Variants in CDKL2 observed in about 807,000 individuals in gnomAD.
The protein encoded by CDKL2 is cyclin dependent kinase like 2.
Under a neutral mutation model 63.9 loss-of-function variants are expected in CDKL2, and 64 were observed. The observed-to-expected ratio is 1.00, with a 90% CI of 0.82 to 1.23. The LOEUF is 1.23. CDKL2 is among the 50% of genes most tolerant of loss of function. CDKL2 has a pLI of 0.00. For synonymous variants in CDKL2, 211 were observed against 229.2 expected (o/e 0.92, Z 0.72); for missense variants, 656 against 668.0 (o/e 0.98, Z 0.20).
intron 2 of CDKL2, among the ~76,000 whole-genome samples, chr4:75,623,152 G>A (rs545850124): frequency 3.8e-4 from 58 of 152,148 alleles, no homozygotes; most frequent in Middle Eastern, 3.4e-3. Context: ...GGTGGCACAC[G>A]CCTGTAGGCC....
At chr4:75,593,179 G>A (rs1270015156) in intron 10 of CDKL2, among the ~76,000 whole-genome samples, 1 of 151,920 alleles carries the variant, frequency 6.6e-6, no homozygotes, top group Admixed American at 6.6e-5. Flanking sequence ...TCTTTTCATA[G>A]AACAAGCGCT....
chr4:75,592,502 C>T (rs1728760424), intron 10 of CDKL2, among the ~76,000 whole-genome samples: 1 of 152,142 alleles, frequency 6.6e-6, no homozygotes, highest in Non-Finnish European at 1.5e-5. Flanking sequence ...CTATGAGTTT[C>T]TCCTTCTTCC....
chr4:75,597,994 AC>A, intron 8 of CDKL2, 82 bp downstream of exon 8: 1 of 940,248 alleles, frequency 1.1e-6, no homozygotes, highest in Non-Finnish European at 1.5e-6. Flanking sequence ...TGCTCAGAAA[AC>A]TTTTTTCAAA....
rs116470132 is a variant in CDKL2 at position 75,595,625 on chromosome 4, T to C, written c.1416+622A>G. Among the ~76,000 whole-genome samples, 857 of 152,106 alleles carry C rather than the reference T, an allele frequency of 5.6e-3. 1 individual carries two copies. Among genetic ancestry groups the C allele is most frequent in the Non-Finnish European group, 9.5e-3 (645 of 67,982 alleles). ...ATCATCAAGTTGAGAAAATTTACTA[T>C]GTTACTAAAGAAAAAATAAAACAAG... On this transcript the variant is annotated intron_variant, in intron 10 of 13. Coordinates refer to ENST00000307465, the MANE Select transcript of CDKL2 (RefSeq NM_001330724.2).
intron 2 of CDKL2, 29 bp from the exon 3 acceptor site, chr4:75,614,478 T>C (rs116398813): frequency 1.4e-6 from 2 of 1,422,290 alleles, no homozygotes; most frequent in African/African-American, 1.4e-5. Flanking sequence ...AAATAGCTGT[T>C]ATTTAAAAAT....
chr4:75,592,718 A>G (rs1283155991), intron 10 of CDKL2, among the ~76,000 whole-genome samples: 3 of 152,158 alleles, frequency 2.0e-5, no homozygotes, highest in Admixed American at 6.5e-5. Flanking sequence ...CACTTTCCCA[A>G]TATAATTTTG....
At chr4:75,602,170 T>TG (rs60869052) in intron 6 of CDKL2, among the ~76,000 whole-genome samples, 46,452 of 151,854 alleles carry the variant, frequency 0.31, 8,233 homozygotes, top group East Asian at 0.77. Context: ...TTGTTTTTTT[T>TG]TTGTTGTTGT....
chr4:75,614,655 CT>C (rs1729848991), intron 2 of CDKL2, among the ~76,000 whole-genome samples: 1 of 151,960 alleles, frequency 6.6e-6, no homozygotes, highest in African/African-American at 2.4e-5. Flanking sequence ...CCTTTCTCCT[CT>C]CAGAGAACAA....
At chr4:75,585,108 T>C (rs1728418702) in intron 12 of CDKL2, among the ~76,000 whole-genome samples, 1 of 152,196 alleles carries the variant, frequency 6.6e-6, no homozygotes, top group South Asian at 2.1e-4. Flanking sequence ...CAACAAGATT[T>C]ACTATGCAAA....
At chr4:75,580,546 G>C (rs78864723) in intron 13 of CDKL2, among the ~76,000 whole-genome samples, 67,705 of 150,798 alleles carry the variant, frequency 0.45, 16,349 homozygotes, top group East Asian at 0.85. Context: ...ACACACGTGT[G>C]GCCCCAGCTA....
At chr4:75,612,440 C>G (rs903469567) in intron 3 of CDKL2, among the ~76,000 whole-genome samples, 1 of 152,156 alleles carries the variant, frequency 6.6e-6, no homozygotes, top group Non-Finnish European at 1.5e-5. Context: ...GTAGGCAGGA[C>G]ACATTCAAAT....
At chr4:75,595,477 A>G (rs915922903) in intron 10 of CDKL2, among the ~76,000 whole-genome samples, 1 of 152,096 alleles carries the variant, frequency 6.6e-6, no homozygotes, top group African/African-American at 2.4e-5. Context: ...GGCCTCCCAA[A>G]GTGCTGGGAT....
intron 2 of CDKL2, among the ~76,000 whole-genome samples, chr4:75,623,073 C>T (rs541900975): frequency 1.3e-5 from 2 of 152,004 alleles, no homozygotes; most frequent in South Asian, 4.2e-4. Flanking sequence ...CCAAGCAGCT[C>T]AAGACTAGCC....
intron 3 of CDKL2, among the ~76,000 whole-genome samples, chr4:75,608,567 T>C (rs1729534973): frequency 6.6e-6 from 1 of 152,040 alleles, no homozygotes; most frequent in South Asian, 2.1e-4. Context: ...TGGCCATAAA[T>C]GAGCTAAATC....
At chr4:75,599,236 T>C (rs906270898) in intron 7 of CDKL2, among the ~76,000 whole-genome samples, 3 of 151,826 alleles carry the variant, frequency 2.0e-5, no homozygotes, top group African/African-American at 7.3e-5. Context: ...AATGATATGG[T>C]TTCACATTCC....
rs780661646 is a variant in CDKL2 at position 75,597,118 on chromosome 4, T to C, written c.1139A>G (p.Asp380Gly). The change falls in exon 9 of 14, where the codon GAC becomes GGC. Residue 380 changes from aspartate (D) to glycine (G), a missense_variant. By Grantham distance (94) the Asp-to-Gly change is moderately conservative (BLOSUM62 -1). Transcript: ENST00000307465. The part of the protein sequence containing the change: ...NRASNASCLH[D>G]SRTSHNKIVP... ...TATTTTGTTGTGGCTTGTCCTACTGTCATGGAGACAGCTGGCATTTGAAGC... is the reference window on the plus strand; with the variant it reads ...TATTTTGTTGTGGCTTGTCCTACTGCCATGGAGACAGCTGGCATTTGAAGC... 8 of 1,614,066 alleles carry C rather than the reference T, an allele frequency of 5.0e-6. No individual in the cohort carries two copies. Among genetic ancestry groups the C allele is most frequent in the Middle Eastern group, 1.6e-4 (1 of 6,084 alleles).
chr4:75,600,318 G>A lies in CDKL2; in HGVS notation c.847C>T (p.His283Tyr), dbSNP rs772307019. 3.7e-5 allele frequency: 60 copies of A among 1,613,750 alleles called. No homozygotes were observed. In the South Asian group the frequency reaches 6.3e-4, roughly 17 times the overall value. Residue 283 changes from histidine (H) to tyrosine (Y), a missense_variant, in exon 7 of 14, where the codon CAC (histidine) becomes TAC (tyrosine). Transcript: ENST00000307465. The part of the protein sequence containing the change: ...DKRPFCAELL[H>Y]HDFFQMDGFA... ...CCATCCATTTGAAAGAAATCATGGT[G>A]TAGGAGCTCAGCACAGAAGGGTCTT...
intron 3 of CDKL2, among the ~76,000 whole-genome samples, chr4:75,610,432 T>C: frequency 6.6e-6 from 1 of 152,020 alleles, no homozygotes; most frequent in Non-Finnish European, 1.5e-5. Flanking sequence ...ATGATATGAG[T>C]TGAATTTTTC....
intron 10 of CDKL2, among the ~76,000 whole-genome samples, chr4:75,594,555 G>C (rs1445241692): frequency 1.3e-5 from 2 of 151,950 alleles, no homozygotes; most frequent in Non-Finnish European, 2.9e-5. Context: ...AGCTGGGGGA[G>C]ACAGACAATA....
Sources: gnomAD v4.1 joint callset for allele counts (sites outside exome capture counted in the v4.1 genomes callset) on GRCh38, gnomAD v4.1.1 for gene constraint, MANE v1.5 for transcripts, NCBI Gene and HGNC (gene_info 2026-07-23, HGNC 2026-07-21) for gene names.